BEND2: variants seen among roughly 807,000 people sequenced by gnomAD.
The protein encoded by BEND2 is BEN domain-containing protein 2.
Under a neutral mutation model 43.8 loss-of-function variants are expected in BEND2, and 19 were observed. The observed-to-expected ratio is 0.43, with a 90% confidence interval of 0.30 to 0.64. BEND2 has a LOEUF of 0.64. BEND2 is among the 30% of genes least tolerant of loss of function. The pLI is 0.11. For synonymous variants in BEND2, 226 were observed against 210.1 expected, an observed-to-expected ratio of 1.08 and a Z score of -0.66; for missense variants, 544 against 574.0, an observed-to-expected ratio of 0.95 and a Z score of 0.53.
chrX:18,182,935 A>G (rs1387014427), intron 8 of BEND2, among the ~76,000 whole-genome samples: 1 of 106,967 alleles, frequency 9.3e-6, no homozygotes, highest in Admixed American at 1.0e-4. Context: ...CCAGCTACTC[A>G]GGAGGCTGAG....
At position 18,174,220 on chromosome X, in the gene BEND2, A is replaced by C; in HGVS notation, c.1791T>G (p.Val597=). 1.7e-6 allele frequency: 2 copies of C among 1,211,687 alleles called. No homozygotes were observed. The highest frequency in any genetic ancestry group is 1.8e-5 in the South Asian group (1 of 56,921). Residue 597 remains valine, a synonymous_variant, in exon 12 of 14, where the codon GTT becomes GTG. Transcript: ENST00000380033. ...VRKNKKRTNR[V]ASASADRNDQ... is the part of the protein sequence containing the mutation. ...CATTTCTATCTGCAGATGCCGATGCAACACGGTTGGTACGTTTTTTATTTT... is the reference window on the plus strand; with the variant it reads ...CATTTCTATCTGCAGATGCCGATGCCACACGGTTGGTACGTTTTTTATTTT...
chrX:18,219,470 C>T (rs1212207886), intron 1 of BEND2, among the ~76,000 whole-genome samples: 2 of 113,105 alleles, frequency 1.8e-5, no homozygotes, highest in South Asian at 7.2e-4. Context: ...TCTTCCTCCT[C>T]ATTTACGTAT....
chrX:18,170,898 A>T, intron 13 of BEND2, 103 bp downstream of exon 13: 1 of 1,170,325 alleles, frequency 8.5e-7, no homozygotes, highest in South Asian at 1.9e-5. Context: ...ACTAAGTTCC[A>T]TTCTCCCCAG....
At chrX:18,180,844 G>A (rs1263900545) in intron 8 of BEND2, among the ~76,000 whole-genome samples, 194 bp from the exon 9 acceptor site, 5 of 105,387 alleles carry the variant, frequency 4.7e-5, no homozygotes, top group Admixed American at 1.0e-4. Flanking sequence ...GCATGATCTT[G>A]GCTTACTACA....
chrX:18,177,591 C>T lies in BEND2; in HGVS notation c.1608G>A (p.Pro536=), dbSNP rs150572716. ...TACCTCTCAATGCAGCCATTTTGTT[C>T]GGGTCGAGGGATTGGCTGTCTTTCA... is the stretch of plus-strand genomic sequence containing the variant. ...IHLKDSQSLD[P]NKMAALREYL... is the part of the protein sequence containing the mutation. Residue 536 remains proline (P), a synonymous_variant, in exon 10 of 14, where the codon CCG becomes CCA. Transcript: ENST00000380033. 1,182 of 1,208,302 alleles carry T rather than the reference C, an allele frequency of 9.8e-4. 1 individual carries two copies. The highest frequency in any genetic ancestry group is 1.2e-3 in the Non-Finnish European group (1,109 of 894,389).
chrX:18,197,435 A>G (rs891417248), intron 6 of BEND2, among the ~76,000 whole-genome samples: 1 of 111,641 alleles, frequency 9.0e-6, no homozygotes, highest in Non-Finnish European at 1.9e-5. Context: ...CTCCGCCTCA[A>G]AAAAATAAAA....
At chrX:18,200,339 C>T (rs1037614774) in intron 6 of BEND2, among the ~76,000 whole-genome samples, 2 of 109,666 alleles carry the variant, frequency 1.8e-5, no homozygotes, top group African/African-American at 6.6e-5. Flanking sequence ...CCTGTCTCTA[C>T]CAAAAATACA....
At position 18,191,133 on chromosome X, in the gene BEND2, G is replaced by A. The variant is rs373785725; in HGVS notation, c.1181-25C>T. ...TCTGTTTTGAACAACATTTCAATAT[G>A]TAAAACATTTTGCAGTGCTGAAAGA... is the stretch of plus-strand genomic sequence containing the variant. On this transcript the variant is annotated intron_variant, in intron 7 of 13. Transcript: ENST00000380033. The A allele has an allele frequency of 2.7e-6, 3 of 1,120,039 alleles. No homozygotes were observed. In the African/African-American group the frequency reaches 5.5e-5, roughly 20 times the overall value. 92.3% of individuals were successfully genotyped at this position (1,120,039 alleles called of 1,213,427 possible).
intron 8 of BEND2, among the ~76,000 whole-genome samples, chrX:18,184,481 CA>C (rs376003868): frequency 7.7e-4 from 86 of 111,492 alleles, no homozygotes; most frequent in African/African-American, 2.7e-3. Flanking sequence ...GACTCCGTCT[CA>C]AAAAAAGAAC....
At chrX:18,180,773 CT>C (rs111461610) in intron 8 of BEND2, 123 bp from the exon 9 acceptor site, 70,174 of 383,312 alleles carry the variant, frequency 0.18, 3,636 homozygotes, top group East Asian at 0.35. Context: ...CAGACCTACT[CT>C]TTTTTTTTTT....
chrX:18,190,651 G>A (rs1924734787), intron 8 of BEND2, among the ~76,000 whole-genome samples: 1 of 110,482 alleles, frequency 9.1e-6, no homozygotes, highest in African/African-American at 3.3e-5. Flanking sequence ...GTTCCTGGAA[G>A]TCATGGGACA....
Position 18,174,248 on chromosome X carries a change from C to T in BEND2, c.1763G>A (p.Arg588His), listed in dbSNP as rs751032537. 34 of 1,207,059 alleles carry T rather than the reference C, an allele frequency of 2.8e-5. No homozygotes were observed. The highest frequency in any genetic ancestry group is 1.8e-4 in the South Asian group (10 of 56,491). Residue 588 changes from arginine to histidine, a missense_variant, in exon 12 of 14, where the codon CGC becomes CAC. Arg to His is a conservative substitution (Grantham distance 29, BLOSUM62 0). This residue lies in a region of BEND2 where 501 missense variants were observed against 501.6 expected (regional missense o/e 1.00). Coordinates refer to ENST00000380033, the MANE Select transcript of BEND2 (RefSeq NM_153346.5). ...SEGKSTPKTV[R>H]KNKKRTNRVA... ...ACGGTTGGTACGTTTTTTATTTTTG[C>T]GAACAGTTTTCTGTTGAAACACAAA...
chrX:18,193,003 CAAAAACA>C (rs1215363329), intron 7 of BEND2, among the ~76,000 whole-genome samples: 1 of 110,449 alleles, frequency 9.1e-6, no homozygotes, highest in Non-Finnish European at 1.9e-5. Flanking sequence ...AAAACAAAAA[CAAAAACA>C]AAAAACAAAA....
At chrX:18,178,321 T>C (rs529645456) in intron 9 of BEND2, among the ~76,000 whole-genome samples, 1 of 111,640 alleles carries the variant, frequency 9.0e-6, no homozygotes, top group African/African-American at 3.3e-5. Flanking sequence ...CTAACAACTC[T>C]ATCATTACTC....
chrX:18,186,831 G>A (rs1924589752), intron 8 of BEND2, among the ~76,000 whole-genome samples: 1 of 109,131 alleles, frequency 9.2e-6, no homozygotes, highest in Non-Finnish European at 1.9e-5. Flanking sequence ...TCCGGGTATG[G>A]GGACACGTGC....
chrX:18,205,605 C>CAA (rs147435323), intron 4 of BEND2, among the ~76,000 whole-genome samples: 6 of 24,156 alleles, frequency 2.5e-4, no homozygotes, highest in Non-Finnish European at 3.2e-4. Flanking sequence ...GACCCTGTCT[C>CAA]AAAAAAAAAA....
chrX:18,195,477 T>C, intron 6 of BEND2, 35 bp from the exon 7 acceptor site: 1 of 1,134,636 alleles, frequency 8.8e-7, no homozygotes, highest in Non-Finnish European at 1.2e-6. Flanking sequence ...CAATCATAAA[T>C]TCTACATGAG....
At chrX:18,195,649 G>A (rs986442136) in intron 6 of BEND2, among the ~76,000 whole-genome samples, 1 of 111,118 alleles carries the variant, frequency 9.0e-6, no homozygotes, top group Non-Finnish European at 1.9e-5. Context: ...GGGAGGCGGA[G>A]ACAAGTGGAT....
In BEND2 at chrX:18,180,582, G is replaced by A. The variant is rs759938608; in HGVS notation, c.1357C>T (p.Arg453Cys). The change falls in exon 9 of 14, where the codon CGC (arginine) becomes TGC (cysteine). Residue 453 changes from arginine to cysteine, a missense_variant. By Grantham distance (180) the Arg-to-Cys change is radical. Around this residue, in one of 2 missense-constraint regions of BEND2, gnomAD observed 501 missense variants for 501.6 expected, o/e 1.00. Coordinates refer to ENST00000380033, the MANE Select transcript of BEND2 (RefSeq NM_153346.5). ...NTENSVNTMN[R>C]STLLDSDSGQ... ...CTGTCACTGTCCAATAAAGTTGAGC[G>A]ATTCATTGTGTTGACGCTGTTTTCC... 69 of 1,208,639 alleles carry A rather than the reference G, an allele frequency of 5.7e-5. 1 individual carries two copies. The highest frequency in any genetic ancestry group is 4.2e-4 in the Admixed American group (19 of 45,705).
Sources: gnomAD v4.1 joint callset for allele counts (sites outside exome capture counted in the v4.1 genomes callset) on GRCh38, gnomAD v4.1.1 for gene constraint, gnomAD v4.1.1 regional missense constraint, MANE v1.5 for transcripts, NCBI Gene and HGNC (gene_info 2026-07-23, HGNC 2026-07-21) for gene names.